RORB: variants seen among roughly 807,000 people sequenced by gnomAD.
RORB encodes RAR related orphan receptor B, also known as nuclear receptor ROR-beta.
RORB carries 6 observed loss-of-function variants against 59.1 expected under a neutral mutation model. The observed-to-expected ratio is 0.10, with a 90% CI of 0.06 to 0.20. The LOEUF (loss-of-function observed/expected upper bound fraction) is 0.20, where lower values mean the gene tolerates loss of function less well. RORB is among the 10% of genes least tolerant of loss of function. The pLI is 1.00. For missense variants in RORB, 320 were observed against 560.5 expected, an observed-to-expected ratio of 0.57 and a Z score of 4.33; for synonymous variants, 215 against 204.5, an observed-to-expected ratio of 1.05 and a Z score of -0.44.
At chr9:74,532,600 G>A (rs1420217734) in intron 1 of RORB, among the ~76,000 whole-genome samples, 5 of 151,630 alleles carry the variant, frequency 3.3e-5, no homozygotes, top group South Asian at 4.2e-4. Context: ...GGACAGTGTG[G>A]TAGCATATTC....
intron 1 of RORB, among the ~76,000 whole-genome samples, chr9:74,508,694 A>G (rs1426409562): frequency 6.6e-6 from 1 of 152,020 alleles, no homozygotes; most frequent in Non-Finnish European, 1.5e-5. Context: ...GCAAAACTAC[A>G]TTTCTTATAA....
intron 4 of RORB, among the ~76,000 whole-genome samples, chr9:74,643,431 A>G (rs1226098668): frequency 1.3e-5 from 2 of 152,244 alleles, no homozygotes; most frequent in African/African-American, 4.8e-5. Context: ...AGTCATAGGC[A>G]TGATTGCATC....
intron 1 of RORB, among the ~76,000 whole-genome samples, chr9:74,534,182 G>T (rs1826288402): frequency 6.6e-6 from 1 of 151,904 alleles, no homozygotes; most frequent in Non-Finnish European, 1.5e-5. Context: ...TAGACTAAAT[G>T]CCTTTTAGCA....
Position 74,685,820 on chromosome 9 carries a change from G to T in RORB, c.*202G>T. The T allele has an allele frequency of 2.6e-6, 1 of 380,258 alleles. No individual in the cohort carries two copies. Among genetic ancestry groups the T allele is most frequent in the Non-Finnish European group, 4.6e-6 (1 of 215,202 alleles). 23.6% of individuals were successfully genotyped at this position (380,258 alleles called of 1,614,324 possible). A position where few individuals can be genotyped will look rare whatever the true frequency, so the allele number is the denominator to read the frequency against. On this transcript the variant is annotated 3_prime_UTR_variant, in exon 10 of 10. Coordinates refer to ENST00000376896, the MANE Select transcript of RORB (RefSeq NM_006914.4). ...CTCTTTTATTTGTTTGTTTGTTTTT[G>T]AAATGACCATAAATATACAAATATA...
intron 1 of RORB, among the ~76,000 whole-genome samples, chr9:74,504,276 TTA>T (rs930018970): frequency 1.3e-5 from 2 of 152,068 alleles, no homozygotes; most frequent in African/African-American, 4.8e-5. Flanking sequence ...GTACAGTATT[TTA>T]TACTCAATAT....
intron 1 of RORB, among the ~76,000 whole-genome samples, chr9:74,544,361 A>G (rs1826457710): frequency 6.6e-6 from 1 of 152,198 alleles, no homozygotes. Context: ...CAGGATGTCT[A>G]TGCACAATTC....
At chr9:74,583,694 G>T (rs545041769) in intron 1 of RORB, among the ~76,000 whole-genome samples, 1 of 152,240 alleles carries the variant, frequency 6.6e-6, no homozygotes, top group African/African-American at 2.4e-5. Context: ...TCCATCCTTA[G>T]AACTCAGGCT....
At chr9:74,666,106 G>A (rs1376810777) in intron 7 of RORB, among the ~76,000 whole-genome samples, 2 of 152,042 alleles carry the variant, frequency 1.3e-5, no homozygotes, top group African/African-American at 4.8e-5. Context: ...GGCCAACATG[G>A]TGAAAGCCAG....
intron 1 of RORB, among the ~76,000 whole-genome samples, chr9:74,514,874 T>C (rs533520991): frequency 6.6e-6 from 1 of 151,664 alleles, no homozygotes; most frequent in Admixed American, 6.6e-5. Flanking sequence ...GTTATTTCAA[T>C]ATACCATTGA....
chr9:74,562,990 C>A (rs889664125), intron 1 of RORB, among the ~76,000 whole-genome samples: 1 of 152,086 alleles, frequency 6.6e-6, no homozygotes, highest in Non-Finnish European at 1.5e-5. Flanking sequence ...AAAATAAAAA[C>A]ATTATCTCAT....
intron 1 of RORB, among the ~76,000 whole-genome samples, chr9:74,579,396 T>C (rs891023624): frequency 6.6e-6 from 1 of 152,152 alleles, no homozygotes; most frequent in Non-Finnish European, 1.5e-5. Flanking sequence ...CTGTTTTAAG[T>C]TGCTGGCAGC....
At chr9:74,547,433 A>G (rs1160123063) in intron 1 of RORB, among the ~76,000 whole-genome samples, 1 of 152,190 alleles carries the variant, frequency 6.6e-6, no homozygotes, top group Non-Finnish European at 1.5e-5. Flanking sequence ...CCAATATTGA[A>G]GGAGATAGAG....
chr9:74,590,139 CAGT>C (rs369972499), intron 1 of RORB, among the ~76,000 whole-genome samples: 64 of 152,008 alleles, frequency 4.2e-4, no homozygotes, highest in South Asian at 1.0e-3. Context: ...TCAGTAGTAA[CAGT>C]AGTAGTAGTA....
intron 1 of RORB, among the ~76,000 whole-genome samples, chr9:74,573,275 T>A (rs981724800): frequency 6.6e-6 from 1 of 152,002 alleles, no homozygotes; most frequent in Non-Finnish European, 1.5e-5. Context: ...GGGTTGCACA[T>A]CAGATATCAA....
chr9:74,588,197 C>G (rs1822835483), intron 1 of RORB, among the ~76,000 whole-genome samples: 1 of 152,070 alleles, frequency 6.6e-6, no homozygotes, highest in Non-Finnish European at 1.5e-5. Context: ...GATAGTGGGG[C>G]AAGCGTAATA....
chr9:74,606,490 G>C (rs867848059), intron 1 of RORB, among the ~76,000 whole-genome samples: 42 of 152,202 alleles, frequency 2.8e-4, no homozygotes, highest in African/African-American at 9.6e-4. Flanking sequence ...CAGGATGAGC[G>C]AGGGAAAAGA....
chr9:74,540,225 G>A (rs941350656), intron 1 of RORB, among the ~76,000 whole-genome samples: 1 of 152,066 alleles, frequency 6.6e-6, no homozygotes, highest in Non-Finnish European at 1.5e-5. Context: ...AATATATTGA[G>A]GGCTTTTGCT....
chr9:74,680,014 A>G (rs1824519498), intron 9 of RORB, among the ~76,000 whole-genome samples: 1 of 152,062 alleles, frequency 6.6e-6, no homozygotes, highest in Non-Finnish European at 1.5e-5. Context: ...GAGGCAGGAG[A>G]ATTGCTTGAA....
intron 1 of RORB, among the ~76,000 whole-genome samples, chr9:74,533,725 A>G (rs1826280178): frequency 6.6e-6 from 1 of 152,070 alleles, no homozygotes; most frequent in South Asian, 2.1e-4. Context: ...TCCATCAGCT[A>G]TAGTAGTTAT....
Sources: gnomAD v4.1 joint callset for allele counts (sites outside exome capture counted in the v4.1 genomes callset) on GRCh38, gnomAD v4.1.1 for gene constraint, MANE v1.5 for transcripts, NCBI Gene and HGNC (gene_info 2026-07-23, HGNC 2026-07-21) for gene names.